BRMS1L: variants seen among roughly 807,000 people sequenced by gnomAD.
BRMS1L encodes breast cancer metastasis-suppressor 1-like protein.
In BRMS1L, 23 loss-of-function variants were observed where a neutral mutation model predicts 50.3. The observed-to-expected ratio is 0.46, with a 90% CI of 0.33 to 0.65. The LOEUF is 0.65. Ranked by LOEUF, BRMS1L falls within the 30% of genes least tolerant of loss-of-function variation. The pLI, the probability that BRMS1L is intolerant of heterozygous loss-of-function variation, is 0.02. For missense variants in BRMS1L, 286 were observed against 386.1 expected (o/e 0.74, Z 2.17); for synonymous variants, 114 against 126.9 (o/e 0.90, Z 0.69).
chr14:35,826,408 G>T lies in BRMS1L; in HGVS notation c.-109G>T. 6.6e-7 allele frequency: 1 copy of T among 1,504,220 alleles called. No homozygotes were observed. Among genetic ancestry groups the T allele is most frequent in the Non-Finnish European group, 9.0e-7 (1 of 1,116,808 alleles). 93.2% of individuals were successfully genotyped at this position (1,504,220 alleles called of 1,614,324 possible). A position where few individuals can be genotyped will look rare whatever the true frequency, so the allele number is the denominator to read the frequency against. ...CCGGGGGCGGGGAGGAGCCAAGGGG[G>T]CGAGCAAGCTCGGTGGCTGGGTGGG... On this transcript the variant is annotated 5_prime_UTR_variant, in exon 1 of 10. Transcript: ENST00000216807.
At chr14:35,870,230 GT>G in intron 9 of BRMS1L, 129 bp from the exon 10 acceptor site, 1 of 581,122 alleles carries the variant, frequency 1.7e-6, no homozygotes, top group Non-Finnish European at 3.1e-6. Flanking sequence ...CAGCATTCTG[GT>G]AAATGACAAT....
At chr14:35,857,494 A>T (rs1952185) in intron 4 of BRMS1L, among the ~76,000 whole-genome samples, 4,777 of 151,434 alleles carry the variant, frequency 0.032, 203 homozygotes, top group African/African-American at 0.09. Flanking sequence ...TTAAAAAAAA[A>T]TTTTTTTATA....
chr14:35,861,201 A>G (rs1357349796), intron 4 of BRMS1L, among the ~76,000 whole-genome samples: 1 of 152,220 alleles, frequency 6.6e-6, no homozygotes, highest in Non-Finnish European at 1.5e-5. Context: ...CAAACATTTC[A>G]GTTTCATTGT....
chr14:35,836,954 A>G (rs1280353843), intron 4 of BRMS1L, among the ~76,000 whole-genome samples: 1 of 152,170 alleles, frequency 6.6e-6, no homozygotes, highest in Admixed American at 6.5e-5. Flanking sequence ...GAGGTCCTTC[A>G]TATCCCTTGT....
At chr14:35,851,383 CAAA>C in intron 4 of BRMS1L, among the ~76,000 whole-genome samples, 1 of 83,954 alleles carries the variant, frequency 1.2e-5, no homozygotes. Flanking sequence ...AAAAGCATGC[CAAA>C]AAAAAAAAAA....
At chr14:35,846,969 T>C (rs564333523) in intron 4 of BRMS1L, among the ~76,000 whole-genome samples, 1 of 151,824 alleles carries the variant, frequency 6.6e-6, no homozygotes, top group South Asian at 2.1e-4. Flanking sequence ...TGCTGTTTTT[T>C]TAAAAAAAAA....
chr14:35,867,256 C>T (rs2078433687), intron 8 of BRMS1L, among the ~76,000 whole-genome samples: 1 of 152,140 alleles, frequency 6.6e-6, no homozygotes, highest in East Asian at 1.9e-4. Flanking sequence ...AATAATTACT[C>T]TAAAAGAACT....
intron 8 of BRMS1L, among the ~76,000 whole-genome samples, chr14:35,866,840 A>G (rs576858084): frequency 6.6e-6 from 1 of 152,284 alleles, no homozygotes; most frequent in South Asian, 2.1e-4. Flanking sequence ...GGTTCTTAAC[A>G]TTTTTGGGTA....
chr14:35,865,058 T>C, intron 7 of BRMS1L, 59 bp downstream of exon 7: 1 of 1,284,636 alleles, frequency 7.8e-7, no homozygotes, highest in Non-Finnish European at 1.1e-6. Context: ...TTTAAGATTC[T>C]ATGTTTTTTT....
In BRMS1L at chr14:35,834,843, G is replaced by A; in HGVS notation, c.362-1G>A. The A allele has an allele frequency of 6.5e-7, 1 of 1,544,338 alleles. No homozygotes were observed. Among genetic ancestry groups the A allele is most frequent in the Non-Finnish European group, 8.7e-7 (1 of 1,146,608 alleles). On this transcript the variant is annotated splice_acceptor_variant, in intron 3 of 9. Transcript: ENST00000216807. LOFTEE classifies it high-confidence loss of function. ...ATCAGAGTAATTGTGTTTGGTTGCA[G>A]GAATCTATAGAGAGCTCTGCTTAGA...
At chr14:35,842,729 G>A (rs1348212496) in intron 4 of BRMS1L, among the ~76,000 whole-genome samples, 1 of 152,132 alleles carries the variant, frequency 6.6e-6, no homozygotes, top group Non-Finnish European at 1.5e-5. Context: ...GGCCTATCTT[G>A]CCAGGTTGGG....
chr14:35,865,838 G>T, intron 8 of BRMS1L, 77 bp downstream of exon 8: 1 of 1,255,682 alleles, frequency 8.0e-7, no homozygotes, highest in African/African-American at 1.5e-5. Flanking sequence ...ACGTACTAAA[G>T]AACTCTTGAA....
In BRMS1L at chr14:35,853,707, G is replaced by A. The variant is rs547669393; in HGVS notation, c.442-8883G>A. 4.8e-4 allele frequency among the ~76,000 whole-genome samples: 73 copies of A among 152,272 alleles called. No individual in the cohort carries two copies. In the Middle Eastern group the frequency reaches 0.01, roughly 21 times the overall value. On this transcript the variant is annotated intron_variant, in intron 4 of 9. Transcript: ENST00000216807. ...CTCCCAAAGTGCTGGGATTATAGGC[G>A]TGAACCACTGTGCCCAACCCATATT...
chr14:35,833,593 T>G (rs112263640), intron 3 of BRMS1L, among the ~76,000 whole-genome samples: 158 of 152,288 alleles, frequency 1.0e-3, no homozygotes, highest in African/African-American at 3.6e-3. Context: ...TTGATAAGTT[T>G]GGTTACTCAT....
intron 4 of BRMS1L, among the ~76,000 whole-genome samples, chr14:35,857,247 A>C (rs1295961126): frequency 1.4e-5 from 2 of 146,458 alleles, no homozygotes; most frequent in Non-Finnish European, 3.0e-5. Context: ...TCTCAAAAAA[A>C]AAAATATATA....
rs1057111355 is a variant in BRMS1L at position 35,856,866 on chromosome 14, A to G, written c.442-5724A>G. ...TGGCCTCAAGTGATCCTACCGCCCC[A>G]GCCTGGCCTATTTTTTAAAAAACTA... is the stretch of plus-strand genomic sequence containing the variant. On this transcript the variant is annotated intron_variant, in intron 4 of 9. Coordinates refer to ENST00000216807, the MANE Select transcript of BRMS1L (RefSeq NM_032352.4). 6.6e-5 allele frequency among the ~76,000 whole-genome samples: 10 copies of G among 152,126 alleles called. No individual in the cohort carries two copies. In the South Asian group the frequency reaches 2.1e-3, roughly 32 times the overall value.
intron 4 of BRMS1L, among the ~76,000 whole-genome samples, chr14:35,861,903 T>G (rs1259395353): frequency 6.6e-6 from 1 of 152,224 alleles, no homozygotes; most frequent in Non-Finnish European, 1.5e-5. Context: ...TTATATATTA[T>G]GTACATTTTA....
At chr14:35,826,895 C>A in intron 1 of BRMS1L, 1 of 536,080 alleles carries the variant, frequency 1.9e-6, no homozygotes, top group Non-Finnish European at 3.2e-6. Context: ...CCAAACGCGG[C>A]GTGGTCCTGC....
Position 35,863,455 on chromosome 14 carries a change from C to T in BRMS1L, c.539-415C>T, listed in dbSNP as rs372511012. On this transcript the variant is annotated intron_variant, in intron 5 of 9. Transcript: ENST00000216807. ...ATGGTGGAGTCAGATAAGCTGAGCT[C>T]TAGTGCCAGTGCTCCCTCACCTACT... 7.2e-5 allele frequency among the ~76,000 whole-genome samples: 11 copies of T among 152,276 alleles called. No homozygotes were observed. In the South Asian group the frequency reaches 1.4e-3, roughly 20 times the overall value.
Sources: gnomAD v4.1 joint callset for allele counts (sites outside exome capture counted in the v4.1 genomes callset) on GRCh38, gnomAD v4.1.1 for gene constraint, MANE v1.5 for transcripts, NCBI Gene and HGNC (gene_info 2026-07-23, HGNC 2026-07-21) for gene names.